The following TMEM135 variants were observed in gnomAD, a reference collection of about 807,000 sequenced individuals.
TMEM135 encodes the protein transmembrane protein 135.
In TMEM135, 30 loss-of-function variants were observed where a neutral mutation model predicts 60.3. The ratio of observed to expected loss-of-function variants is 0.50; its 90% CI spans 0.37 to 0.68. The LOEUF (loss-of-function observed/expected upper bound fraction) is 0.68, where lower values mean the gene tolerates loss of function less well. Among genes scored for constraint, TMEM135 ranks in the 30% least tolerant of loss-of-function variants. The pLI, the probability that TMEM135 is intolerant of heterozygous loss-of-function variation, is 0.00. For missense variants in TMEM135, 468 were observed against 548.8 expected, an observed-to-expected ratio of 0.85 and a Z score of 1.47; for synonymous variants, 190 against 186.7, an observed-to-expected ratio of 1.02 and a Z score of -0.14.
At chr11:87,197,614 A>G (rs1939990829) in intron 5 of TMEM135, among the ~76,000 whole-genome samples, 1 of 151,444 alleles carries the variant, frequency 6.6e-6, no homozygotes, top group African/African-American at 2.4e-5. Flanking sequence ...TATTATTGTC[A>G]TGGTTTACTT....
intron 3 of TMEM135, among the ~76,000 whole-genome samples, chr11:87,087,305 AAAC>A (rs1346412635): frequency 5.6e-4 from 79 of 139,994 alleles, no homozygotes; most frequent in Middle Eastern, 3.7e-3. Context: ...AAAAAAAAAA[AAAC>A]CTTCAGGTTA....
At chr11:87,291,515 ATTTTTTTTTTTT>A (rs869273724) in intron 6 of TMEM135, among the ~76,000 whole-genome samples, 18 of 50,570 alleles carry the variant, frequency 3.6e-4, no homozygotes, top group Admixed American at 1.1e-3. Flanking sequence ...CAGCCAAGTG[ATTTTTTTTTTTT>A]TTTTTTTTTT....
At chr11:87,146,285 G>A (rs1938412561) in intron 4 of TMEM135, among the ~76,000 whole-genome samples, 1 of 152,188 alleles carries the variant, frequency 6.6e-6, no homozygotes. Flanking sequence ...GGAGGCTGAG[G>A]CAGGAGGATT....
rs976437784 is a variant in TMEM135, at chr11:87,325,081, T to G, written c.*3748T>G. The stretch of plus-strand genomic sequence containing the variant: ...CCATTGGTGCCAGCTCTATAATTTC[T>G]TCTTCTTGTGGAATTAACAAAGAAA... On this transcript the variant is annotated 3_prime_UTR_variant, in exon 15 of 15. Coordinates refer to ENST00000305494, the MANE Select transcript of TMEM135 (RefSeq NM_022918.4). 17 of 453,972 alleles carry G rather than the reference T, an allele frequency of 3.7e-5. No individual in the cohort carries two copies. The highest frequency in any genetic ancestry group is 3.2e-4 in the African/African-American group (16 of 49,998). 28.1% of individuals were successfully genotyped at this position (453,972 alleles called of 1,614,324 possible).
chr11:87,201,038 C>G (rs1025840075), intron 5 of TMEM135, among the ~76,000 whole-genome samples: 2 of 152,050 alleles, frequency 1.3e-5, no homozygotes, highest in African/African-American at 2.4e-5. Context: ...GTGAAGAAAG[C>G]TTATATATGT....
At chr11:87,144,590 AG>A (rs1271047914) in intron 4 of TMEM135, among the ~76,000 whole-genome samples, 2 of 152,162 alleles carry the variant, frequency 1.3e-5, no homozygotes, top group Non-Finnish European at 2.9e-5. Flanking sequence ...GATTACTCCA[AG>A]TGTCAATTTT....
intron 1 of TMEM135, among the ~76,000 whole-genome samples, chr11:87,059,749 A>C (rs1424997451): frequency 6.6e-6 from 1 of 152,246 alleles, no homozygotes; most frequent in African/African-American, 2.4e-5. Flanking sequence ...AGCATTTTCA[A>C]AATGCCTACT....
chr11:87,254,613 T>C (rs1941484981), intron 6 of TMEM135, among the ~76,000 whole-genome samples: 1 of 152,200 alleles, frequency 6.6e-6, no homozygotes, highest in Admixed American at 6.5e-5. Context: ...CTATAAAATA[T>C]AGTTGAAGTG....
intron 3 of TMEM135, among the ~76,000 whole-genome samples, chr11:87,079,771 T>C (rs761397982): frequency 2.7e-4 from 41 of 151,910 alleles, no homozygotes; most frequent in Non-Finnish European, 5.7e-4. Context: ...ATGGATGTAA[T>C]ATTTTGTTAT....
At chr11:87,261,085 C>T (rs1488648672) in intron 6 of TMEM135, among the ~76,000 whole-genome samples, 4 of 152,168 alleles carry the variant, frequency 2.6e-5, no homozygotes, top group Non-Finnish European at 1.5e-5. Flanking sequence ...GCAACCTATT[C>T]TAGTACCTCA....
At chr11:87,270,898 T>G (rs1941850352) in intron 6 of TMEM135, among the ~76,000 whole-genome samples, 1 of 152,198 alleles carries the variant, frequency 6.6e-6, no homozygotes, top group Admixed American at 6.5e-5. Context: ...AACAATATTT[T>G]CTAGTCAGAC....
chr11:87,147,946 T>A (rs1274999819), intron 4 of TMEM135, among the ~76,000 whole-genome samples: 1 of 152,156 alleles, frequency 6.6e-6, no homozygotes, highest in Non-Finnish European at 1.5e-5. Flanking sequence ...TTAGTAGACA[T>A]GGAGTTTCAC....
intron 6 of TMEM135, among the ~76,000 whole-genome samples, chr11:87,250,754 C>T (rs929304699): frequency 6.6e-6 from 1 of 152,082 alleles, no homozygotes; most frequent in Admixed American, 6.6e-5. Flanking sequence ...CTAAATAAAT[C>T]AAATTATATA....
intron 4 of TMEM135, among the ~76,000 whole-genome samples, chr11:87,136,525 T>C (rs1030668934): frequency 1.3e-5 from 2 of 152,098 alleles, no homozygotes; most frequent in African/African-American, 4.8e-5. Flanking sequence ...ATGACTTAAG[T>C]AGAATTTCTT....
chr11:87,234,207 C>A (rs1940946552), intron 5 of TMEM135, among the ~76,000 whole-genome samples: 1 of 151,812 alleles, frequency 6.6e-6, no homozygotes, highest in Admixed American at 6.6e-5. Flanking sequence ...AATAACAATC[C>A]CCAGTCTTCT....
intron 4 of TMEM135, among the ~76,000 whole-genome samples, chr11:87,119,305 T>A (rs1857979962): frequency 6.6e-6 from 1 of 152,188 alleles, no homozygotes; most frequent in Non-Finnish European, 1.5e-5. Context: ...GGGGGAACAG[T>A]CAGTTGGTGG....
intron 4 of TMEM135, among the ~76,000 whole-genome samples, chr11:87,093,962 T>C (rs1243492014): frequency 6.6e-6 from 1 of 152,210 alleles, no homozygotes; most frequent in Admixed American, 6.5e-5. Flanking sequence ...AAATGTTACG[T>C]AAATATTCAT....
intron 4 of TMEM135, among the ~76,000 whole-genome samples, chr11:87,146,165 C>T (rs566656220): frequency 6.6e-6 from 1 of 152,288 alleles, no homozygotes; most frequent in East Asian, 1.9e-4. Context: ...GTTTTGACAG[C>T]ACTATTTATT....
chr11:87,130,315 GATA>G (rs1429341807), intron 4 of TMEM135, among the ~76,000 whole-genome samples: 5 of 152,110 alleles, frequency 3.3e-5, no homozygotes, highest in African/African-American at 7.2e-5. Context: ...TAAATTCTAT[GATA>G]ATGATGATAG....
Sources: allele counts gnomAD v4.1 joint callset (sites outside exome capture counted in the v4.1 genomes callset), GRCh38; gene constraint gnomAD v4.1.1; transcripts MANE v1.5; gene names NCBI Gene and HGNC (gene_info 2026-07-23, HGNC 2026-07-21).